The following RAB38 variants were observed in gnomAD, a reference collection of about 807,000 sequenced individuals.
RAB38 encodes the protein ras-related protein Rab-38.
RAB38 carries 15 observed loss-of-function variants against 18.4 expected under a neutral mutation model. The observed-to-expected ratio is 0.82, with a 90% CI of 0.55 to 1.26. The LOEUF (loss-of-function observed/expected upper bound fraction) is 1.26. Among genes scored for constraint, RAB38 ranks in the 50% most tolerant of loss-of-function variants. The pLI, the probability that RAB38 is intolerant of heterozygous loss-of-function variation, is 0.00. For missense variants in RAB38, 294 were observed against 267.4 expected (o/e 1.10, Z -0.69); for synonymous variants, 101 against 104.4 (o/e 0.97, Z 0.20).
chr11:88,009,356 T>A, the RAB38 span, among the ~76,000 whole-genome samples: 26 of 152,188 alleles, frequency 1.7e-4, no homozygotes, highest in Non-Finnish European at 3.5e-4. Context: ...TTAGAAGATA[T>A]GCTTCTCATG....
At chr11:87,962,211 G>A in the RAB38 span, among the ~76,000 whole-genome samples, 15 of 151,940 alleles carry the variant, frequency 9.9e-5, no homozygotes, top group Admixed American at 9.8e-4. Flanking sequence ...GAAGGAGTAG[G>A]AAAAAAAGCA....
chr11:88,009,630 A>G, the RAB38 span, among the ~76,000 whole-genome samples: 1 of 152,180 alleles, frequency 6.6e-6, no homozygotes, highest in African/African-American at 2.4e-5. Flanking sequence ...ATTCTGTTGA[A>G]GTGCTTGGGA....
chr11:87,806,505 A>G, the RAB38 span, among the ~76,000 whole-genome samples: 4 of 152,326 alleles, frequency 2.6e-5, no homozygotes, highest in East Asian at 5.8e-4. Context: ...CATTGGGAAT[A>G]TCTGGTTCAA....
chr11:87,940,412 C>T, the RAB38 span, among the ~76,000 whole-genome samples: 1 of 152,004 alleles, frequency 6.6e-6, no homozygotes, highest in African/African-American at 2.4e-5. Flanking sequence ...CTAAAATGAT[C>T]ATTGGAAATA....
Position 88,175,201 on chromosome 11 carries a change from G to T in RAB38, c.184C>A (p.Gln62Lys). Reference protein sequence around the residue: ...HWDPETVVRLQLWDIAGQERF... With the variant: ...HWDPETVVRLKLWDIAGQERF... ...CGCTCACCTGCGATATCCCAGAGCT[G>T]CAGGCGCACCACAGTCTCCGGGTCC... Residue 62 changes from glutamine to lysine, a missense_variant, in exon 1 of 3, where the codon CAG becomes AAG. Transcript: ENST00000243662. 1 of 1,611,630 alleles carries T rather than the reference G, an allele frequency of 6.2e-7. No homozygotes were observed. Among genetic ancestry groups the T allele is most frequent in the Non-Finnish European group, 8.5e-7 (1 of 1,178,844 alleles).
chr11:87,858,147 C>G, the RAB38 span, among the ~76,000 whole-genome samples: 1 of 152,038 alleles, frequency 6.6e-6, no homozygotes, highest in African/African-American at 2.4e-5. Context: ...TTGTTTTTGT[C>G]AGGTTTGTCA....
chr11:87,946,638 G>GTGTT, the RAB38 span, among the ~76,000 whole-genome samples: 1 of 152,092 alleles, frequency 6.6e-6, no homozygotes, highest in Admixed American at 6.5e-5. Context: ...AGAACATGTG[G>GTGTT]TGTTTGGTTT....
chr11:88,045,705 G>A, the RAB38 span, among the ~76,000 whole-genome samples: 2 of 152,128 alleles, frequency 1.3e-5, no homozygotes, highest in East Asian at 3.9e-4. Context: ...GACCATCACA[G>A]ATGCTTTAGG....
At chr11:88,063,964 T>C in the RAB38 span, among the ~76,000 whole-genome samples, 1 of 152,220 alleles carries the variant, frequency 6.6e-6, no homozygotes, top group Non-Finnish European at 1.5e-5. Context: ...GGATTTCACA[T>C]TTGCTACGAA....
chr11:87,853,429 G>C, the RAB38 span, among the ~76,000 whole-genome samples: 1 of 152,320 alleles, frequency 6.6e-6, no homozygotes, highest in East Asian at 1.9e-4. Flanking sequence ...CTATCTGAAA[G>C]CCAGGAGGAA....
chr11:88,052,911 TATATATATATATATATATATATA>T, the RAB38 span, among the ~76,000 whole-genome samples: 3,953 of 24,988 alleles, frequency 0.16, 295 homozygotes, highest in South Asian at 0.38. Flanking sequence ...CATATATATA[TATATATATATATATATATATATA>T]TATATATATA....
At chr11:88,133,787 A>C (rs1218793793) in intron 2 of RAB38, among the ~76,000 whole-genome samples, 1 of 152,248 alleles carries the variant, frequency 6.6e-6, no homozygotes, top group Non-Finnish European at 1.5e-5. Context: ...AGCATAGAAA[A>C]AAAAGAGTGA....
At chr11:87,944,468 T>G in the RAB38 span, among the ~76,000 whole-genome samples, 1 of 152,110 alleles carries the variant, frequency 6.6e-6, no homozygotes, top group East Asian at 1.9e-4. Context: ...TGTTCCCCTG[T>G]AGTCTTCCAT....
At chr11:88,019,860 G>A in the RAB38 span, among the ~76,000 whole-genome samples, 12 of 151,656 alleles carry the variant, frequency 7.9e-5, no homozygotes, top group East Asian at 5.8e-4. Flanking sequence ...CTCTTTTTTC[G>A]GTCCTAGAAT....
the RAB38 span, among the ~76,000 whole-genome samples, chr11:87,897,799 A>T: frequency 6.6e-5 from 10 of 151,588 alleles, no homozygotes; most frequent in Admixed American, 1.3e-4. Flanking sequence ...GCTCCAGGAT[A>T]AAATAGCTTT....
intron 2 of RAB38, among the ~76,000 whole-genome samples, chr11:88,114,607 T>C (rs1942523170): frequency 1.3e-5 from 2 of 152,198 alleles, no homozygotes; most frequent in East Asian, 1.9e-4. Flanking sequence ...TATATTCTAG[T>C]GAAATGGGGA....
At chr11:88,144,892 T>C (rs979433096) in intron 2 of RAB38, among the ~76,000 whole-genome samples, 1 of 152,130 alleles carries the variant, frequency 6.6e-6, no homozygotes, top group Non-Finnish European at 1.5e-5. Flanking sequence ...TACACTAGTG[T>C]TTGTGGTGGT....
At chr11:88,167,148 G>A (rs1329898200) in intron 1 of RAB38, 2 of 152,132 alleles carry the variant, frequency 1.3e-5, no homozygotes, top group Non-Finnish European at 2.9e-5. Flanking sequence ...TCTGGAGGAG[G>A]TGATATTGAT....
chr11:87,896,291 C>A, the RAB38 span, among the ~76,000 whole-genome samples: 1 of 151,662 alleles, frequency 6.6e-6, no homozygotes, highest in East Asian at 2.0e-4. Context: ...CCTTCCCCAG[C>A]CATCTGTGGT....
Sources: allele counts gnomAD v4.1 joint callset (sites outside exome capture counted in the v4.1 genomes callset), GRCh38; gene constraint gnomAD v4.1.1; transcripts MANE v1.5; gene names NCBI Gene and HGNC (gene_info 2026-07-23, HGNC 2026-07-21).